Variants in GRID2 observed in about 807,000 individuals in gnomAD.
The protein encoded by GRID2 is glutamate receptor ionotropic, delta-2.
In GRID2, 33 loss-of-function variants were observed where a neutral mutation model predicts 114.8. The ratio of observed to expected loss-of-function variants is 0.29; its 90% confidence interval spans 0.22 to 0.38. The LOEUF is 0.38. Among genes scored for constraint, GRID2 ranks in the 10% least tolerant of loss-of-function variants. The pLI, the probability that GRID2 is intolerant of heterozygous loss-of-function variation, is 1.00. For missense variants in GRID2, 1,184 were observed against 1,257.7 expected (o/e 0.94, Z 0.89); for synonymous variants, 505 against 449.9 (o/e 1.12, Z -1.55).
At chr4:92,367,254 C>T (rs1420209404) in intron 1 of GRID2, among the ~76,000 whole-genome samples, 2 of 151,984 alleles carry the variant, frequency 1.3e-5, no homozygotes, top group African/African-American at 4.8e-5. Context: ...TCCTATAAGC[C>T]TTGCTACACA....
intron 2 of GRID2, among the ~76,000 whole-genome samples, chr4:92,863,578 C>G (rs967236411): frequency 6.6e-6 from 1 of 152,114 alleles, no homozygotes; most frequent in Non-Finnish European, 1.5e-5. Flanking sequence ...CAGCTTTTAA[C>G]CAGTAGGGTA....
intron 2 of GRID2, among the ~76,000 whole-genome samples, chr4:92,938,887 C>T (rs1490547039): frequency 2.7e-5 from 4 of 146,884 alleles, no homozygotes; most frequent in Non-Finnish European, 4.5e-5. Flanking sequence ...CTACAAAGGA[C>T]ATGAACTCAT....
intron 2 of GRID2, among the ~76,000 whole-genome samples, chr4:92,743,335 T>A (rs1366532135): frequency 6.6e-6 from 1 of 152,210 alleles, no homozygotes; most frequent in African/African-American, 2.4e-5. Flanking sequence ...TCTGTTGTTA[T>A]AGGCCATTAT....
At position 93,110,649 on chromosome 4, in the gene GRID2, G is replaced by A. The variant is rs1008077508; in HGVS notation, c.530-99G>A. 6.2e-6 allele frequency: 5 copies of A among 805,680 alleles called. No homozygotes were observed. In the East Asian group the frequency reaches 9.7e-5, roughly 16 times the overall value. 49.9% of individuals were successfully genotyped at this position (805,680 alleles called of 1,614,324 possible). ...AGTTGGTAATTTTAGACAGCCTACA[G>A]TGTGGAACAATAATCTATTCTGATA... On this transcript the variant is annotated intron_variant, in intron 3 of 15. Transcript: ENST00000282020.
chr4:93,344,045 T>G (rs1425627087), intron 8 of GRID2, among the ~76,000 whole-genome samples: 1 of 152,066 alleles, frequency 6.6e-6, no homozygotes, highest in Non-Finnish European at 1.5e-5. Context: ...AAATTTCAAA[T>G]GAAGACCTTT....
At chr4:92,337,454 G>A (rs973996485) in intron 1 of GRID2, among the ~76,000 whole-genome samples, 1 of 152,116 alleles carries the variant, frequency 6.6e-6, no homozygotes, top group African/African-American at 2.4e-5. Context: ...AAAGTGAACT[G>A]AGTGAGGAAA....
chr4:93,283,380 T>C (rs1752844987), intron 8 of GRID2, among the ~76,000 whole-genome samples: 1 of 152,076 alleles, frequency 6.6e-6, no homozygotes, highest in Non-Finnish European at 1.5e-5. Flanking sequence ...TTATATATAA[T>C]TCTAGCTCCC....
chr4:93,183,665 A>G (rs1385187190), intron 4 of GRID2, among the ~76,000 whole-genome samples: 1 of 152,234 alleles, frequency 6.6e-6, no homozygotes, highest in Non-Finnish European at 1.5e-5. Context: ...GTGGCCTGGA[A>G]TTAAAAGTAA....
chr4:92,673,604 A>AT (rs968840430), intron 2 of GRID2, among the ~76,000 whole-genome samples: 12 of 152,074 alleles, frequency 7.9e-5, no homozygotes, highest in Admixed American at 2.0e-4. Flanking sequence ...ATTTTCACTG[A>AT]TTTTTTTAAA....
chr4:93,221,607 A>G (rs1744883857), intron 6 of GRID2, among the ~76,000 whole-genome samples: 1 of 152,204 alleles, frequency 6.6e-6, no homozygotes, highest in Non-Finnish European at 1.5e-5. Flanking sequence ...ATAGTTTGGT[A>G]TTATTGTGAA....
chr4:92,675,481 C>T (rs1478288588), intron 2 of GRID2, among the ~76,000 whole-genome samples: 2 of 151,056 alleles, frequency 1.3e-5, no homozygotes, highest in Non-Finnish European at 3.0e-5. Flanking sequence ...ACAGGGACTC[C>T]AAACTCCAAT....
chr4:93,389,382 C>T (rs1486103915), intron 8 of GRID2, among the ~76,000 whole-genome samples: 1 of 151,958 alleles, frequency 6.6e-6, no homozygotes, highest in Non-Finnish European at 1.5e-5. Flanking sequence ...GGAATGACCC[C>T]GAAGAATCAT....
chr4:93,038,804 A>T (rs1725196329), intron 2 of GRID2, among the ~76,000 whole-genome samples: 1 of 151,876 alleles, frequency 6.6e-6, no homozygotes, highest in Non-Finnish European at 1.5e-5. Context: ...AGAAAAAAAA[A>T]AGGTCAGGAA....
At chr4:92,732,766 A>G (rs1736390041) in intron 2 of GRID2, among the ~76,000 whole-genome samples, 1 of 152,094 alleles carries the variant, frequency 6.6e-6, no homozygotes, top group African/African-American at 2.4e-5. Flanking sequence ...AAACAGGAGA[A>G]CATACAGCTT....
chr4:93,120,013 C>T (rs1560899904), intron 4 of GRID2, among the ~76,000 whole-genome samples: 1 of 152,122 alleles, frequency 6.6e-6, no homozygotes, highest in South Asian at 2.1e-4. Flanking sequence ...CATCACTGGT[C>T]GTAAGAGAAA....
intron 2 of GRID2, among the ~76,000 whole-genome samples, chr4:92,792,597 T>C (rs2149365749): frequency 6.6e-6 from 1 of 151,806 alleles, no homozygotes; most frequent in Middle Eastern, 3.4e-3. Flanking sequence ...TGGCACTGAA[T>C]TGTAGACCCA....
chr4:93,684,969 G>A (rs770015710), intron 14 of GRID2, among the ~76,000 whole-genome samples: 65 of 152,152 alleles, frequency 4.3e-4, no homozygotes, highest in Non-Finnish European at 8.8e-4. Context: ...AGGCTCTCTT[G>A]TTCAAGGGGT....
At chr4:93,301,863 C>G (rs933882011) in intron 8 of GRID2, among the ~76,000 whole-genome samples, 1 of 151,952 alleles carries the variant, frequency 6.6e-6, no homozygotes, top group Non-Finnish European at 1.5e-5. Context: ...TGATCGTCAA[C>G]CAGAAAACAA....
intron 2 of GRID2, among the ~76,000 whole-genome samples, chr4:92,792,610 T>C (rs1208651089): frequency 2.0e-5 from 3 of 151,812 alleles, no homozygotes; most frequent in East Asian, 3.9e-4. Context: ...TAGACCCATA[T>C]GGTTCTTGGA....
Sources: allele counts gnomAD v4.1 joint callset (sites outside exome capture counted in the v4.1 genomes callset), GRCh38; gene constraint gnomAD v4.1.1; transcripts MANE v1.5; gene names NCBI Gene and HGNC (gene_info 2026-07-23, HGNC 2026-07-21).